KIAA0319L: variants seen among roughly 807,000 people sequenced by gnomAD.
KIAA0319L encodes dyslexia-associated protein KIAA0319-like protein.
In KIAA0319L, 55 loss-of-function variants were observed where a neutral mutation model predicts 120.1. The observed-to-expected ratio is 0.46, with a 90% CI of 0.37 to 0.57. KIAA0319L has a LOEUF of 0.57. Among genes scored for constraint, KIAA0319L ranks in the 20% least tolerant of loss-of-function variants. KIAA0319L has a pLI of 0.00. For missense variants in KIAA0319L, 1,049 were observed against 1,255.3 expected, an observed-to-expected ratio of 0.84 and a Z score of 2.48; for synonymous variants, 398 against 471.9, an observed-to-expected ratio of 0.84 and a Z score of 2.03.
At chr1:35,540,889 T>G (rs1007996742) in intron 2 of KIAA0319L, among the ~76,000 whole-genome samples, 3 of 152,296 alleles carry the variant, frequency 2.0e-5, no homozygotes, top group Non-Finnish European at 2.9e-5. Context: ...ATTAACAGAC[T>G]GCAAGCTTCA....
chr1:35,482,586 C>T (rs1187778504), intron 3 of KIAA0319L, among the ~76,000 whole-genome samples: 4 of 152,062 alleles, frequency 2.6e-5, no homozygotes, highest in Admixed American at 6.6e-5. Flanking sequence ...TGTGCCACCA[C>T]GCCCAGCTAG....
intron 3 of KIAA0319L, among the ~76,000 whole-genome samples, chr1:35,483,168 C>T (rs566740197): frequency 1.3e-5 from 2 of 152,256 alleles, no homozygotes; most frequent in South Asian, 4.1e-4. Context: ...ATATAATTTG[C>T]AAATGTTTTC....
rs565446008 is a variant in KIAA0319L, at chr1:35,451,592, A to T, written c.2062+36T>A. 2.5e-6 allele frequency: 4 copies of T among 1,602,578 alleles called. No homozygotes were observed. The African/African-American group carries it at 5.3e-5, about 21-fold the overall frequency. On this transcript the variant is annotated intron_variant, in intron 13 of 20. Coordinates refer to ENST00000325722, the MANE Select transcript of KIAA0319L (RefSeq NM_024874.5). ...ATAAATTCTTCAGCTATCTGACCCT[A>T]AGAGGCTGCTACACAAACTGGAGGC...
At chr1:35,474,435 T>C (rs1365103318) in intron 5 of KIAA0319L, among the ~76,000 whole-genome samples, 2 of 152,226 alleles carry the variant, frequency 1.3e-5, no homozygotes, top group African/African-American at 2.4e-5. Context: ...CTTATTAATA[T>C]AGAACATATT....
intron 19 of KIAA0319L, among the ~76,000 whole-genome samples, chr1:35,442,031 C>T (rs979309051): frequency 6.6e-6 from 1 of 152,198 alleles, no homozygotes; most frequent in African/African-American, 2.4e-5. Flanking sequence ...CAAATCACTG[C>T]AGTGGCTGCC....
At chr1:35,495,863 C>CAAAAAAAAA (rs200064916) in intron 3 of KIAA0319L, among the ~76,000 whole-genome samples, 2 of 68,142 alleles carry the variant, frequency 2.9e-5, no homozygotes, top group East Asian at 2.7e-4. Context: ...TAACACTCTA[C>CAAAAAAAAA]AAAAAAAAAA....
chr1:35,438,877 G>A (rs1640995634), intron 20 of KIAA0319L: 1 of 152,594 alleles, frequency 6.6e-6, no homozygotes, highest in Non-Finnish European at 1.5e-5. Flanking sequence ...TGGGGATGGT[G>A]GCGCATGCCT....
At chr1:35,482,516 G>A (rs1209896631) in intron 3 of KIAA0319L, among the ~76,000 whole-genome samples, 4 of 147,300 alleles carry the variant, frequency 2.7e-5, no homozygotes, top group South Asian at 2.2e-4. Context: ...CACAACCTCC[G>A]CCTCCCAGGT....
chr1:35,504,724 T>C (rs574803350), intron 3 of KIAA0319L, among the ~76,000 whole-genome samples: 10 of 152,322 alleles, frequency 6.6e-5, no homozygotes, highest in Non-Finnish European at 1.0e-4. Context: ...ATTCTCGCCC[T>C]TTCCAGTCTA....
In KIAA0319L at chr1:35,441,053, G is replaced by T. The variant is rs745588176; in HGVS notation, c.2956C>A (p.Arg986=). 1 of 1,613,880 alleles carries T rather than the reference G, an allele frequency of 6.2e-7. No homozygotes were observed. Among genetic ancestry groups the T allele is most frequent in the Non-Finnish European group, 8.5e-7 (1 of 1,179,740 alleles). ...TGGCACCCAGGGCCCCTACCTGCTC[G>T]GGAGGTTGGCTTCAGCTCCAGGCTT... ...QESLELKPTS[R]AGIKQKGLLL... Residue 986 remains arginine, a synonymous_variant, in exon 20 of 21, where the codon CGA becomes AGA. Coordinates refer to ENST00000325722, the MANE Select transcript of KIAA0319L (RefSeq NM_024874.5).
intron 11 of KIAA0319L, 166 bp downstream of exon 11, chr1:35,454,196 G>T: frequency 3.2e-6 from 2 of 622,158 alleles, no homozygotes; most frequent in Non-Finnish European, 5.4e-6. Context: ...TTCATCTCTA[G>T]CTATGAAGAA....
chr1:35,454,414 A>T lies in KIAA0319L; in HGVS notation c.1728T>A (p.Thr576=), dbSNP rs1642289330. 6.2e-7 allele frequency: 1 copy of T among 1,614,082 alleles called. No homozygotes were observed. Among genetic ancestry groups the T allele is most frequent in the African/African-American group, 1.3e-5 (1 of 74,952 alleles). The change falls in exon 11 of 21, where the codon ACT becomes ACA. Residue 576 remains threonine, a synonymous_variant. Coordinates refer to ENST00000325722, the MANE Select transcript of KIAA0319L (RefSeq NM_024874.5). The part of the protein sequence containing the change: ...EGDYTYQLTV[T]DTIGQQATAQ... Reference sequence around the variant, plus strand: ...CAGTGGCCTGCTGTCCTATTGTGTCAGTCACTGTGAGCTGGTAAGTGTAGT... The same window carrying T: ...CAGTGGCCTGCTGTCCTATTGTGTCTGTCACTGTGAGCTGGTAAGTGTAGT...
At position 35,513,288 on chromosome 1, in the gene KIAA0319L, A is replaced by ATATATATATTTTT. The variant is rs1414704674; in HGVS notation, c.143-6154_143-6153insAAAAATATATATA. Among the ~76,000 whole-genome samples, 5 of 85,302 alleles carry ATATATATATTTTT rather than the reference A, an allele frequency of 5.9e-5. No homozygotes were observed. The South Asian group carries it at 1.7e-3, about 30-fold the overall frequency. 56.0% of individuals were successfully genotyped at this position (85,302 alleles called of 152,430 possible). A position where few individuals can be genotyped will look rare whatever the true frequency, so the allele number is the denominator to read the frequency against. On this transcript the variant is annotated intron_variant, in intron 2 of 20. Coordinates refer to ENST00000325722, the MANE Select transcript of KIAA0319L (RefSeq NM_024874.5). ...ATAACATATATATATATATATATAT[A>ATATATATATTTTT]TTTTTTTTTTTTTTTTTTTCTGTCC...
chr1:35,487,402 G>GCAC (rs1644429080), intron 3 of KIAA0319L, among the ~76,000 whole-genome samples: 1 of 152,062 alleles, frequency 6.6e-6, no homozygotes, highest in East Asian at 1.9e-4. Flanking sequence ...TTAAAGGCAT[G>GCAC]CACCACCACA....
chr1:35,447,880 G>T (rs781625072), intron 16 of KIAA0319L, among the ~76,000 whole-genome samples: 1 of 152,040 alleles, frequency 6.6e-6, no homozygotes, highest in Admixed American at 6.6e-5. Flanking sequence ...CCACAATGCC[G>T]CTTGTTGTAC....
chr1:35,526,427 A>G (rs1320990950), intron 2 of KIAA0319L, among the ~76,000 whole-genome samples: 24 of 140,816 alleles, frequency 1.7e-4, no homozygotes, highest in African/African-American at 6.5e-4. Context: ...ATACATATAT[A>G]TATGTATATA....
chr1:35,510,060 CCA>C (rs1645366062), intron 2 of KIAA0319L: 1 of 152,232 alleles, frequency 6.6e-6, no homozygotes, highest in Non-Finnish European at 1.5e-5. Context: ...GGAGGAGGTT[CCA>C]CAGAGATGCG....
intron 3 of KIAA0319L, among the ~76,000 whole-genome samples, chr1:35,491,876 T>C (rs1244005594): frequency 1.3e-5 from 2 of 152,190 alleles, no homozygotes; most frequent in African/African-American, 2.4e-5. Context: ...ATGAACTTTA[T>C]GCAAATAAAT....
At chr1:35,557,533 C>G, upstream of KIAA0319L, 1 of 386,616 alleles carries the variant, frequency 2.6e-6, no homozygotes, top group Non-Finnish European at 5.1e-6. Flanking sequence ...CAGTGCTGGG[C>G]GGGTAAAACT....
Sources: allele counts gnomAD v4.1 joint callset (sites outside exome capture counted in the v4.1 genomes callset), GRCh38; gene constraint gnomAD v4.1.1; transcripts MANE v1.5; gene names NCBI Gene and HGNC (gene_info 2026-07-23, HGNC 2026-07-21).